MAML3: variants seen among roughly 807,000 people sequenced by gnomAD.
MAML3 encodes the protein mastermind like transcriptional coactivator 3.
MAML3 carries 27 observed loss-of-function variants against 101.9 expected under a neutral mutation model. That is an observed-to-expected ratio of 0.27 (90% CI 0.20 to 0.37). MAML3 has a LOEUF of 0.37. Ranked by LOEUF, MAML3 falls within the 10% of genes least tolerant of loss-of-function variation. The pLI is 1.00. For missense variants in MAML3, 1,316 were observed against 1,444.9 expected, an observed-to-expected ratio of 0.91 and a Z score of 1.45; for synonymous variants, 501 against 555.9, an observed-to-expected ratio of 0.90 and a Z score of 1.39.
intron 1 of MAML3, among the ~76,000 whole-genome samples, chr4:140,093,377 G>T (rs1396959814): frequency 6.6e-6 from 1 of 150,944 alleles, no homozygotes; most frequent in Non-Finnish European, 1.5e-5. Flanking sequence ...TGGTTGCTCA[G>T]TGGATCCTAA....
At chr4:140,101,390 C>T (rs1728249987) in intron 1 of MAML3, among the ~76,000 whole-genome samples, 1 of 152,144 alleles carries the variant, frequency 6.6e-6, no homozygotes, top group Non-Finnish European at 1.5e-5. Context: ...GAGAAACTCA[C>T]CAGGCTCTTG....
intron 1 of MAML3, among the ~76,000 whole-genome samples, chr4:140,068,983 C>G (rs749578939): frequency 6.6e-6 from 1 of 152,124 alleles, no homozygotes; most frequent in Non-Finnish European, 1.5e-5. Context: ...TTTGACAGGT[C>G]AAACTTTCTG....
chr4:139,765,980 C>T (rs997753135), intron 2 of MAML3, among the ~76,000 whole-genome samples: 2 of 151,992 alleles, frequency 1.3e-5, no homozygotes, highest in Non-Finnish European at 2.9e-5. Context: ...CAGTGAGACC[C>T]TCTCTCAAAA....
At chr4:140,035,090 C>T (rs1169068509) in intron 1 of MAML3, among the ~76,000 whole-genome samples, 2 of 152,168 alleles carry the variant, frequency 1.3e-5, no homozygotes, top group Admixed American at 6.5e-5. Context: ...CTGTCTCACC[C>T]TCCTGAGTAG....
intron 2 of MAML3, among the ~76,000 whole-genome samples, chr4:139,846,302 A>G (rs1287437515): frequency 3.9e-5 from 6 of 152,086 alleles, no homozygotes; most frequent in Non-Finnish European, 7.4e-5. Context: ...ACAACCTACT[A>G]ATAATAGTTT....
chr4:139,730,465 T>C lies in MAML3; in HGVS notation c.2282A>G (p.Glu761Gly), dbSNP rs1329873397. ...IEQQKQQFLR[E>G]QRQQQQQQQQ... ...CTGCTGCTGCTGCTGCTGCCTTTGCTCCCGCAGGAACTGTTGCTTCTGCTG... is the reference window on the plus strand; with the variant it reads ...CTGCTGCTGCTGCTGCTGCCTTTGCCCCCGCAGGAACTGTTGCTTCTGCTG... Residue 761 changes from glutamate (E) to glycine (G), a missense_variant, in exon 3 of 5, where the codon GAG (glutamate) becomes GGG (glycine). By Grantham distance (98) the Glu-to-Gly change is moderately conservative (BLOSUM62 -2). Transcript: ENST00000509479. 1 of 1,552,412 alleles carries C rather than the reference T, an allele frequency of 6.4e-7. No homozygotes were observed. The highest frequency in any genetic ancestry group is 2.4e-5 in the East Asian group (1 of 40,942).
intron 1 of MAML3, among the ~76,000 whole-genome samples, chr4:140,133,492 A>C (rs1403449021): frequency 6.6e-6 from 1 of 152,200 alleles, no homozygotes; most frequent in Non-Finnish European, 1.5e-5. Context: ...ATAGTATTGC[A>C]ACTCTCACCA....
chr4:139,753,562 C>T (rs1324217406), intron 2 of MAML3, among the ~76,000 whole-genome samples: 1 of 152,036 alleles, frequency 6.6e-6, no homozygotes, highest in African/African-American at 2.4e-5. Flanking sequence ...CTAAAACTAC[C>T]ATGAAAATAA....
chr4:140,106,700 T>C (rs1321712048), intron 1 of MAML3, among the ~76,000 whole-genome samples: 2 of 152,362 alleles, frequency 1.3e-5, no homozygotes, highest in East Asian at 3.9e-4. Flanking sequence ...TCTTAATCAT[T>C]GGTGTTGCAA....
At chr4:140,075,857 T>A (rs1727757332) in intron 1 of MAML3, among the ~76,000 whole-genome samples, 1 of 150,092 alleles carries the variant, frequency 6.7e-6, no homozygotes, top group Non-Finnish European at 1.5e-5. Flanking sequence ...GCTTCCCGGA[T>A]TCAAGCGATT....
intron 1 of MAML3, among the ~76,000 whole-genome samples, chr4:140,036,396 A>T (rs1412013859): frequency 1.3e-5 from 2 of 152,184 alleles, no homozygotes; most frequent in East Asian, 3.8e-4. Flanking sequence ...ACTGTCAGAG[A>T]ATACTACAGG....
intron 1 of MAML3, among the ~76,000 whole-genome samples, chr4:139,912,800 A>T (rs560131514): frequency 1.3e-5 from 2 of 152,392 alleles, no homozygotes; most frequent in East Asian, 3.9e-4. Flanking sequence ...GATTCTCTGC[A>T]GAGTCTCAGA....
chr4:139,941,970 C>A (rs1398530199), intron 1 of MAML3, among the ~76,000 whole-genome samples: 1 of 151,996 alleles, frequency 6.6e-6, no homozygotes, highest in Non-Finnish European at 1.5e-5. Flanking sequence ...CCCGTCCCTA[C>A]TAAAAATAAA....
intron 4 of MAML3, among the ~76,000 whole-genome samples, chr4:139,721,535 C>G (rs1029125643): frequency 6.6e-6 from 1 of 152,106 alleles, no homozygotes; most frequent in Non-Finnish European, 1.5e-5. Context: ...AACCTGGCAC[C>G]CTGGTAGATA....
intron 4 of MAML3, 53 bp downstream of exon 4, chr4:139,725,698 C>G (rs1728441806): frequency 1.9e-6 from 3 of 1,552,060 alleles, no homozygotes; most frequent in Admixed American, 3.4e-5. Flanking sequence ...TACACATTCA[C>G]TTACGCTTCA....
chr4:139,833,857 C>A (rs1408946388), intron 2 of MAML3, among the ~76,000 whole-genome samples: 1 of 152,000 alleles, frequency 6.6e-6, no homozygotes, highest in Admixed American at 6.6e-5. Flanking sequence ...ATCACAGTAT[C>A]CCTTCTCACA....
At position 139,742,151 on chromosome 4, in the gene MAML3, T is replaced by TTTTTTC. The variant is rs1181091650; in HGVS notation, c.2080-11485_2080-11484insGAAAAA. On this transcript the variant is annotated intron_variant, in intron 2 of 4. Transcript: ENST00000509479. ...ATCTTAAACTTTTCTTTTCTTTTCT[T>TTTTTTC]TTTTTTTTTTTTTTTGAGAGAGAGT... is the stretch of plus-strand genomic sequence containing the variant. Among the ~76,000 whole-genome samples the TTTTTTC allele has an allele frequency of 3.5e-3, 3 of 866 alleles. No homozygotes were observed. In the East Asian group the frequency reaches 0.15, roughly 43 times the overall value. The allele number at this position is 866 out of a possible 152,430, so 0.6% of individuals were successfully genotyped here. A position where few individuals can be genotyped will look rare whatever the true frequency, so the allele number is the denominator to read the frequency against.
At chr4:139,849,876 TG>T (rs1731516197) in intron 2 of MAML3, among the ~76,000 whole-genome samples, 1 of 152,226 alleles carries the variant, frequency 6.6e-6, no homozygotes, top group Admixed American at 6.5e-5. Flanking sequence ...AAATAATATT[TG>T]GTACATTTAT....
chr4:139,876,760 A>C (rs1732122649), intron 2 of MAML3, among the ~76,000 whole-genome samples: 1 of 152,206 alleles, frequency 6.6e-6, no homozygotes, highest in South Asian at 2.1e-4. Context: ...AGGGTACACA[A>C]GGGGTTGCCA....
Sources: gnomAD v4.1 joint callset for allele counts (sites outside exome capture counted in the v4.1 genomes callset) on GRCh38, gnomAD v4.1.1 for gene constraint, MANE v1.5 for transcripts, NCBI Gene and HGNC (gene_info 2026-07-23, HGNC 2026-07-21) for gene names.